The following REXO1 variants were observed in gnomAD, a reference collection of about 807,000 sequenced individuals.
The protein encoded by REXO1 is REX1, RNA exonuclease 1 homolog.
Under a neutral mutation model 102.6 loss-of-function variants are expected in REXO1, and 42 were observed. That is an observed-to-expected ratio of 0.41 (90% CI 0.32 to 0.53). The LOEUF (loss-of-function observed/expected upper bound fraction) is 0.53. REXO1 is among the 20% of genes least tolerant of loss of function. The probability of loss-of-function intolerance (pLI) is 0.27; values close to 1 mark genes in which losing one functional copy is unlikely to be tolerated. For missense variants in REXO1, 1,819 were observed against 1,732.5 expected (o/e 1.05, Z -0.89); for synonymous variants, 908 against 779.1 (o/e 1.17, Z -2.76).
chr19:1,844,599 A>G lies in REXO1; in HGVS notation c.157+3603T>C, dbSNP rs1043044292. ...GCTCCCTGAGCGCCTCTACCCCAGG[A>G]CTCCTGCCCTCTACAGATGCAGTTC... On this transcript the variant is annotated intron_variant, in intron 1 of 15. Transcript: ENST00000170168. 2.0e-5 allele frequency among the ~76,000 whole-genome samples: 3 copies of G among 151,958 alleles called. No homozygotes were observed. In the East Asian group the frequency reaches 5.8e-4, roughly 29 times the overall value.
At chr19:1,841,792 G>A (rs544350903) in intron 1 of REXO1, among the ~76,000 whole-genome samples, 3 of 152,208 alleles carry the variant, frequency 2.0e-5, no homozygotes, top group East Asian at 3.9e-4. Flanking sequence ...GCTTGTCCCC[G>A]CTGACCCCAG....
At chr19:1,818,633 C>A in intron 9 of REXO1, 38 bp from the exon 10 acceptor site, 1 of 1,607,856 alleles carries the variant, frequency 6.2e-7, no homozygotes, top group East Asian at 2.2e-5. Context: ...GAGGCTCACG[C>A]TGGGGCCCGC....
chr19:1,828,716 G>A (rs955697829), intron 1 of REXO1, 85 bp from the exon 2 acceptor site: 1 of 1,445,966 alleles, frequency 6.9e-7, no homozygotes, highest in South Asian at 1.4e-5. Flanking sequence ...CAAACTGCAG[G>A]GAAGGGAAGA....
Position 1,828,399 on chromosome 19 carries a change from G to A in REXO1, c.390C>T (p.Arg130=), listed in dbSNP as rs369680806. 4.0e-5 allele frequency: 64 copies of A among 1,607,346 alleles called. 1 individual carries two copies. Among genetic ancestry groups the A allele is most frequent in the African/African-American group, 1.9e-4 (14 of 74,898 alleles). The change falls in exon 2 of 16, where the codon CGC becomes CGT. Residue 130 remains arginine (R), a synonymous_variant. Transcript: ENST00000170168. ...CCACAGTGGGGCTGGCGTTGGGGCCGCGGGGCGCCAGGGCGGGGGCCTCGG... is the reference window on the plus strand; with the variant it reads ...CCACAGTGGGGCTGGCGTTGGGGCCACGGGGCGCCAGGGCGGGGGCCTCGG... ...RSAEAPALAP[R]GPNASPTVGP...
rs746923341 is a variant in REXO1 at position 1,827,533 on chromosome 19, T to C, written c.1256A>G (p.Gln419Arg). 6.9e-6 allele frequency: 11 copies of C among 1,586,392 alleles called. No individual in the cohort carries two copies. The highest frequency in any genetic ancestry group is 1.1e-5 in the South Asian group (1 of 87,418). The change falls in exon 2 of 16, where the codon CAG (glutamine) becomes CGG (arginine). Residue 419 changes from glutamine (Q) to arginine (R), a missense_variant. Physicochemically the swap from Gln to Arg is conservative, Grantham distance 43. Coordinates refer to ENST00000170168, the MANE Select transcript of REXO1 (RefSeq NM_020695.4). ...EKPRADKKGP[Q>R]ASSPRRKAER... The stretch of plus-strand genomic sequence containing the variant: ...TGCCTTGCGCCGGGGGCTGCTGGCC[T>C]GCGGGCCCTTCTTGTCCGCACGGGG...
At chr19:1,830,216 C>T (rs2069865113) in intron 1 of REXO1, among the ~76,000 whole-genome samples, 1 of 152,214 alleles carries the variant, frequency 6.6e-6, no homozygotes, top group Admixed American at 6.5e-5. Flanking sequence ...ATTAGAAATT[C>T]TACTGAGCAC....
At chr19:1,817,160 C>T (rs992735866) in intron 12 of REXO1, 59 bp downstream of exon 12, 21 of 867,116 alleles carry the variant, frequency 2.4e-5, no homozygotes, top group East Asian at 4.1e-5. Flanking sequence ...ATGGGGCGGC[C>T]GCACCAGGCC....
intron 4 of REXO1, chr19:1,822,786 G>A (rs2069584969): frequency 6.6e-6 from 1 of 152,294 alleles, no homozygotes; most frequent in Non-Finnish European, 1.5e-5. Flanking sequence ...GATCTGCAGG[G>A]GAATCGCCGG....
intron 5 of REXO1, 109 bp from the exon 6 acceptor site, chr19:1,820,504 G>T: frequency 1.5e-6 from 2 of 1,300,042 alleles, no homozygotes; most frequent in Non-Finnish European, 2.2e-6. Flanking sequence ...AGTGAGGTGC[G>T]CTGGGACAGA....
In REXO1 at chr19:1,827,246, C is replaced by T; in HGVS notation, c.1543G>A (p.Ala515Thr). The change falls in exon 2 of 16, where the codon GCC (alanine) becomes ACC (threonine). Residue 515 changes from alanine (A) to threonine (T), a missense_variant. By Grantham distance (58) the Ala-to-Thr change is moderately conservative. Coordinates refer to ENST00000170168, the MANE Select transcript of REXO1 (RefSeq NM_020695.4). ...CCAAAGAGGTCGGCGTGGCTCAGGG[C>T]CCGCTTCTTCAGCTTGGGGGCGTCC... Reference protein sequence around the residue: ...SQDAPKLKKRALSHADLFGDE... With the variant: ...SQDAPKLKKRTLSHADLFGDE... 6.4e-7 allele frequency: 1 copy of T among 1,553,602 alleles called. No homozygotes were observed.
chr19:1,821,299 C>T (rs2069530123), intron 5 of REXO1, among the ~76,000 whole-genome samples: 3 of 150,362 alleles, frequency 2.0e-5, no homozygotes, highest in Non-Finnish European at 3.0e-5. Context: ...GAGCCAAGAT[C>T]GTGCCACTGC....
Position 1,827,246 on chromosome 19 carries a change from C to A in REXO1, c.1543G>T (p.Ala515Ser), listed in dbSNP as rs1428789768. 11 of 1,553,484 alleles carry A rather than the reference C, an allele frequency of 7.1e-6. No individual in the cohort carries two copies. The highest frequency in any genetic ancestry group is 9.5e-6 in the Non-Finnish European group (11 of 1,155,592). The change falls in exon 2 of 16, where the codon GCC (alanine) becomes TCC (serine). Residue 515 changes from alanine to serine, a missense_variant. Physicochemically the swap from Ala to Ser is moderately conservative, Grantham distance 99. Coordinates refer to ENST00000170168, the MANE Select transcript of REXO1 (RefSeq NM_020695.4). Reference protein sequence around the residue: ...SQDAPKLKKRALSHADLFGDE... With the variant: ...SQDAPKLKKRSLSHADLFGDE... ...CCAAAGAGGTCGGCGTGGCTCAGGG[C>A]CCGCTTCTTCAGCTTGGGGGCGTCC...
At chr19:1,833,292 G>A (rs573589398) in intron 1 of REXO1, among the ~76,000 whole-genome samples, 77 of 152,282 alleles carry the variant, frequency 5.1e-4, no homozygotes, top group Non-Finnish European at 9.0e-4. Context: ...TGGACCACTC[G>A]GAACTCCGCG....
chr19:1,817,443 T>C, intron 11 of REXO1, 114 bp from the exon 12 acceptor site: 2 of 1,513,170 alleles, frequency 1.3e-6, no homozygotes, highest in Non-Finnish European at 1.8e-6. Flanking sequence ...ATCACGCCCA[T>C]TCACTGGTTG....
intron 3 of REXO1, 57 bp from the exon 4 acceptor site, chr19:1,823,842 G>T: frequency 1.2e-6 from 1 of 846,834 alleles, no homozygotes; most frequent in Non-Finnish European, 1.6e-6. Flanking sequence ...TGGAGCAGGC[G>T]ACCCCGGGCA....
chr19:1,820,009 T>C lies in REXO1; in HGVS notation c.2575A>G (p.Ile859Val), dbSNP rs755028223. 1.9e-6 allele frequency: 3 copies of C among 1,600,752 alleles called. No homozygotes were observed. The highest frequency in any genetic ancestry group is 2.7e-5 in the African/African-American group (2 of 73,642). The change falls in exon 7 of 16, where the codon ATC (isoleucine) becomes GTC (valine). Residue 859 changes from isoleucine to valine, a missense_variant. Coordinates refer to ENST00000170168, the MANE Select transcript of REXO1 (RefSeq NM_020695.4). ...VAYDRSPSKN[I>V]YLNVAVNTLK... The stretch of plus-strand genomic sequence containing the variant: ...GTGTTCACGGCCACATTCAGGTAGA[T>C]GTTCTTGCTGGGGCTGCGGTCATAG...
chr19:1,821,450 G>C (rs887045426), intron 5 of REXO1, 69 bp downstream of exon 5: 3 of 1,589,936 alleles, frequency 1.9e-6, no homozygotes, highest in South Asian at 1.1e-5. Context: ...CCCTCCGCAG[G>C]TCCCATGTGG....
intron 5 of REXO1, 120 bp downstream of exon 5, chr19:1,821,399 G>A (rs1017220744): frequency 1.3e-5 from 15 of 1,130,914 alleles, no homozygotes; most frequent in African/African-American, 1.1e-4. Flanking sequence ...GCTGTACTGC[G>A]GTGTGGAGCA....
Position 1,821,625 on chromosome 19 carries a change from G to C in REXO1, c.2288C>G (p.Pro763Arg). 5.0e-6 allele frequency: 8 copies of C among 1,613,694 alleles called. No homozygotes were observed. The highest frequency in any genetic ancestry group is 5.9e-6 in the Non-Finnish European group (7 of 1,179,886). The change falls in exon 5 of 16, where the codon CCT (proline) becomes CGT (arginine). Residue 763 changes from proline to arginine, a missense_variant. By Grantham distance (103) the Pro-to-Arg change is moderately radical. Coordinates refer to ENST00000170168, the MANE Select transcript of REXO1 (RefSeq NM_020695.4). ...AASGSQSSNG[P>R]EPGGQQLKTR... ...TTTCAGCTGCTGGCCACCTGGCTCA[G>C]GGCCGTTGGAGGACTGGCTGCCGCT...
Sources: allele counts gnomAD v4.1 joint callset (sites outside exome capture counted in the v4.1 genomes callset), GRCh38; gene constraint gnomAD v4.1.1; transcripts MANE v1.5; gene names NCBI Gene and HGNC (gene_info 2026-07-23, HGNC 2026-07-21).